ALG5: variants seen among roughly 807,000 people sequenced by gnomAD.
ALG5 encodes the protein ALG5 dolichyl-phosphate beta-glucosyltransferase.
Under a neutral mutation model 51.8 loss-of-function variants are expected in ALG5, and 26 were observed. The ratio of observed to expected loss-of-function variants is 0.50; its 90% CI spans 0.37 to 0.70. The LOEUF (loss-of-function observed/expected upper bound fraction) is 0.70. Ranked by LOEUF, ALG5 falls within the 30% of genes least tolerant of loss-of-function variation. The pLI, the probability that ALG5 is intolerant of heterozygous loss-of-function variation, is 0.00. For synonymous variants in ALG5, 141 were observed against 136.1 expected (o/e 1.04, Z -0.25); for missense variants, 311 against 399.3 (o/e 0.78, Z 1.88).
rs570425363 is a variant in ALG5 at position 36,969,870 on chromosome 13, A to G, written c.621+2107T>C. Among the ~76,000 whole-genome samples, 106 of 152,150 alleles carry G rather than the reference A, an allele frequency of 7.0e-4. 1 individual carries two copies. The highest frequency in any genetic ancestry group is 2.4e-3 in the African/African-American group (100 of 41,522). On this transcript the variant is annotated intron_variant, in intron 7 of 9. Transcript: ENST00000239891. ...TTCAACACAGATAACTGTATTTATAATATCATACTATTTTTTACAAACAAC... is the reference window on the plus strand; with the variant it reads ...TTCAACACAGATAACTGTATTTATAGTATCATACTATTTTTTACAAACAAC...
chr13:36,997,464 C>G (rs1268124156), intron 1 of ALG5, among the ~76,000 whole-genome samples: 2 of 29,252 alleles, frequency 6.8e-5, no homozygotes, highest in Non-Finnish European at 1.1e-4. Context: ...CAGACTCCGT[C>G]TCAAAAAAAA....
chr13:36,952,393 G>A (rs924597901), intron 9 of ALG5, 121 bp downstream of exon 9: 1 of 676,276 alleles, frequency 1.5e-6, no homozygotes, highest in African/African-American at 1.9e-5. Flanking sequence ...CTGGATCTTT[G>A]AGTCAAGACA....
At chr13:36,999,344 G>T (rs1318747259), upstream of ALG5, 1 of 1,495,722 alleles carries the variant, frequency 6.7e-7, no homozygotes, top group Admixed American at 2.4e-5. Flanking sequence ...CCTCCACACA[G>T]GCGGAAGCGC....
At chr13:36,975,288 T>C (rs2058945364) in intron 6 of ALG5, among the ~76,000 whole-genome samples, 1 of 152,188 alleles carries the variant, frequency 6.6e-6, no homozygotes. Flanking sequence ...TCTCCCGACC[T>C]CTTTAAATTT....
At chr13:36,984,751 G>A (rs1229707166) in intron 6 of ALG5, among the ~76,000 whole-genome samples, 1 of 152,038 alleles carries the variant, frequency 6.6e-6, no homozygotes, top group African/African-American at 2.4e-5. Context: ...CGGTGGGAAG[G>A]CAGGGAGGAG....
intron 1 of ALG5, chr13:36,998,910 G>A: frequency 3.7e-6 from 1 of 267,744 alleles, no homozygotes; most frequent in East Asian, 6.6e-5. Flanking sequence ...GAGAGGTCGA[G>A]GTTGACAGAG....
At chr13:36,952,282 C>T (rs902830854) in intron 9 of ALG5, among the ~76,000 whole-genome samples, 5 of 152,116 alleles carry the variant, frequency 3.3e-5, no homozygotes, top group East Asian at 1.9e-4. Context: ...GAAGTTTCTT[C>T]GACAAGGTAG....
chr13:36,984,632 G>C (rs759201035), intron 6 of ALG5, among the ~76,000 whole-genome samples: 2 of 152,034 alleles, frequency 1.3e-5, no homozygotes, highest in Non-Finnish European at 2.9e-5. Context: ...TGATTAACAT[G>C]GGCAGCTCTC....
chr13:36,966,217 G>A (rs2058892878), intron 7 of ALG5, among the ~76,000 whole-genome samples: 1 of 152,166 alleles, frequency 6.6e-6, no homozygotes, highest in South Asian at 2.1e-4. Flanking sequence ...TTATGGACTA[G>A]AAAGGAGTTT....
At chr13:36,977,807 A>G (rs1410947244) in intron 6 of ALG5, among the ~76,000 whole-genome samples, 6 of 147,932 alleles carry the variant, frequency 4.1e-5, no homozygotes, top group Non-Finnish European at 8.9e-5. Context: ...AAAAAAAAAA[A>G]AAAAAAACAA....
chr13:36,966,624 C>G (rs1300740615), intron 7 of ALG5, among the ~76,000 whole-genome samples: 1 of 152,156 alleles, frequency 6.6e-6, no homozygotes, highest in East Asian at 1.9e-4. Flanking sequence ...ATCCTTCTGC[C>G]TCAACCTACA....
At chr13:36,973,796 G>A (rs1220724889) in intron 6 of ALG5, among the ~76,000 whole-genome samples, 1 of 152,308 alleles carries the variant, frequency 6.6e-6, no homozygotes, top group African/African-American at 2.4e-5. Flanking sequence ...GTACACAAAA[G>A]AGGAAGTGAA....
At chr13:36,967,930 C>T (rs138077191) in intron 7 of ALG5, 7 of 583,488 alleles carry the variant, frequency 1.2e-5, no homozygotes, top group Admixed American at 1.0e-4. Flanking sequence ...CTTATTTGTT[C>T]GCAAATAAAA....
chr13:36,965,778 AC>A, intron 7 of ALG5, 52 bp from the exon 8 acceptor site: 2 of 1,503,102 alleles, frequency 1.3e-6, no homozygotes, highest in Non-Finnish European at 9.1e-7. Context: ...TGTAAAGGAG[AC>A]ACTGAAAACA....
chr13:36,981,932 C>CA (rs370503935), intron 6 of ALG5, among the ~76,000 whole-genome samples: 59 of 151,124 alleles, frequency 3.9e-4, no homozygotes, highest in Admixed American at 5.3e-4. Flanking sequence ...ACTAAAAATA[C>CA]AAAAAAAAAT....
chr13:36,996,565 T>G lies in ALG5; in HGVS notation c.67-969A>C, dbSNP rs570195167. 5.3e-5 allele frequency among the ~76,000 whole-genome samples: 8 copies of G among 152,206 alleles called. 1 individual carries two copies. The highest frequency in any genetic ancestry group is 1.9e-4 in the African/African-American group (8 of 41,528). On this transcript the variant is annotated intron_variant, in intron 1 of 9. Coordinates refer to ENST00000239891, the MANE Select transcript of ALG5 (RefSeq NM_013338.5). ...TGCAAGAATCTGATCGTCCTCCCACTTCCCCCCTGCCAAAAAAAATTACTG... is the reference window on the plus strand; with the variant it reads ...TGCAAGAATCTGATCGTCCTCCCACGTCCCCCCTGCCAAAAAAAATTACTG...
chr13:36,978,225 T>C (rs948309217), intron 6 of ALG5, among the ~76,000 whole-genome samples: 9 of 147,840 alleles, frequency 6.1e-5, no homozygotes, highest in African/African-American at 2.2e-4. Flanking sequence ...TCTCACTCCG[T>C]CACCCAGGCT....
At chr13:36,997,989 T>C (rs1230764789) in intron 1 of ALG5, among the ~76,000 whole-genome samples, 1 of 152,198 alleles carries the variant, frequency 6.6e-6, no homozygotes, top group Non-Finnish European at 1.5e-5. Flanking sequence ...ATAACATATA[T>C]GTCACAGTGT....
intron 7 of ALG5, among the ~76,000 whole-genome samples, chr13:36,966,365 T>C (rs922182620): frequency 2.6e-4 from 39 of 152,236 alleles, no homozygotes; most frequent in African/African-American, 8.9e-4. Context: ...TTACTGATGA[T>C]TAATTTTATT....
Sources: gnomAD v4.1 joint callset for allele counts (sites outside exome capture counted in the v4.1 genomes callset) on GRCh38, gnomAD v4.1.1 for gene constraint, MANE v1.5 for transcripts, NCBI Gene and HGNC (gene_info 2026-07-23, HGNC 2026-07-21) for gene names.